FOXP2: variants seen among roughly 807,000 people sequenced by gnomAD.
The protein encoded by FOXP2 is forkhead box protein P2.
In FOXP2, 12 loss-of-function variants were observed where a neutral mutation model predicts 115.8. The ratio of observed to expected loss-of-function variants is 0.10; its 90% CI spans 0.07 to 0.17. The LOEUF is 0.17. Ranked by LOEUF, FOXP2 falls within the 10% of genes least tolerant of loss-of-function variation. FOXP2 has a pLI of 1.00. For missense variants in FOXP2, 629 were observed against 843.5 expected, an observed-to-expected ratio of 0.75 and a Z score of 3.15; for synonymous variants, 328 against 297.7, an observed-to-expected ratio of 1.10 and a Z score of -1.05.
At chr7:114,437,247 T>C (rs1455187555) in intron 2 of FOXP2, among the ~76,000 whole-genome samples, 1 of 152,176 alleles carries the variant, frequency 6.6e-6, no homozygotes, top group Admixed American at 6.5e-5. Flanking sequence ...TTTATTTTCA[T>C]GCACCTTTTC....
intron 2 of FOXP2, among the ~76,000 whole-genome samples, chr7:114,388,077 G>A (rs1037301915): frequency 1.3e-5 from 2 of 152,156 alleles, no homozygotes; most frequent in Admixed American, 6.5e-5. Context: ...GATATACCAA[G>A]TGAGTTACAC....
intron 2 of FOXP2, among the ~76,000 whole-genome samples, chr7:114,530,716 T>C (rs1188875465): frequency 6.6e-6 from 1 of 151,876 alleles, no homozygotes; most frequent in Non-Finnish European, 1.5e-5. Context: ...GACCTACTCA[T>C]TAGAATTATT....
intron 2 of FOXP2, among the ~76,000 whole-genome samples, chr7:114,362,153 G>T (rs375014661): frequency 6.6e-6 from 1 of 151,944 alleles, no homozygotes; most frequent in African/African-American, 2.4e-5. Flanking sequence ...ACAGTTAAAG[G>T]TTAATAAAAA....
chr7:114,339,446 A>T (rs898990575), intron 2 of FOXP2, among the ~76,000 whole-genome samples: 1 of 151,192 alleles, frequency 6.6e-6, no homozygotes, highest in African/African-American at 2.4e-5. Flanking sequence ...AGTTCGACAG[A>T]TGATAACATA....
chr7:114,552,625 A>G (rs894100266), intron 3 of FOXP2, among the ~76,000 whole-genome samples: 1 of 152,210 alleles, frequency 6.6e-6, no homozygotes, highest in Non-Finnish European at 1.5e-5. Context: ...TCAGGTTAAA[A>G]TATTCTGATA....
intron 2 of FOXP2, among the ~76,000 whole-genome samples, chr7:114,317,144 C>T (rs532858675): frequency 6.6e-6 from 1 of 152,274 alleles, no homozygotes; most frequent in East Asian, 1.9e-4. Flanking sequence ...CCACCCATGT[C>T]CCCTGGTCCT....
intron 3 of FOXP2, among the ~76,000 whole-genome samples, chr7:114,562,811 T>G (rs1443097031): frequency 6.6e-6 from 1 of 152,146 alleles, no homozygotes; most frequent in African/African-American, 2.4e-5. Context: ...TTAGAAAGAA[T>G]TGTTTACACT....
At chr7:114,547,479 C>A (rs527327461) in intron 3 of FOXP2, among the ~76,000 whole-genome samples, 1 of 152,146 alleles carries the variant, frequency 6.6e-6, no homozygotes, top group South Asian at 2.1e-4. Flanking sequence ...TGTGATTGGC[C>A]CAGCGCTGTG....
intron 3 of FOXP2, among the ~76,000 whole-genome samples, chr7:114,585,285 T>TA (rs1802076477): frequency 6.6e-6 from 1 of 152,152 alleles, no homozygotes. Flanking sequence ...CACCCCAACT[T>TA]ACAAATTTAT....
At chr7:114,100,842 GT>G (rs1444104125) in intron 1 of FOXP2, among the ~76,000 whole-genome samples, 1 of 152,146 alleles carries the variant, frequency 6.6e-6, no homozygotes. Context: ...TAAGCACTTT[GT>G]GTGTACAAAT....
intron 6 of FOXP2, among the ~76,000 whole-genome samples, chr7:114,641,827 A>G (rs1306523185): frequency 6.6e-6 from 1 of 151,152 alleles, no homozygotes; most frequent in African/African-American, 2.4e-5. Context: ...TTTTTGTTTG[A>G]GAGAGGGTCT....
intron 16 of FOXP2, chr7:114,668,627 C>T (rs1400002160): frequency 6.6e-6 from 1 of 152,132 alleles, no homozygotes; most frequent in African/African-American, 2.4e-5. Flanking sequence ...CTATTTTGGA[C>T]TAATACTTTG....
Position 114,365,691 on chromosome 7 carries a change from A to T in FOXP2, c.-10-60811A>T, listed in dbSNP as rs1476789767. On this transcript the variant is annotated intron_variant, in intron 2 of 17. Coordinates refer to the FOXP2 transcript ENST00000634411. The stretch of plus-strand genomic sequence containing the variant: ...AGATTTTTTAAGTTGTTTCAATCTA[A>T]TTTTTACAATAAACTGTGGCGCAGT... 2.6e-5 allele frequency among the ~76,000 whole-genome samples: 4 copies of T among 152,182 alleles called. No homozygotes were observed. In the East Asian group the frequency reaches 5.8e-4, roughly 22 times the overall value.
chr7:114,379,578 C>A (rs746227983), intron 2 of FOXP2, among the ~76,000 whole-genome samples: 15 of 152,142 alleles, frequency 9.9e-5, no homozygotes, highest in Non-Finnish European at 2.1e-4. Context: ...GGCTAGCAGG[C>A]CATTTCAGGG....
intron 2 of FOXP2, among the ~76,000 whole-genome samples, chr7:114,338,976 A>C (rs900427723): frequency 1.3e-5 from 2 of 151,098 alleles, no homozygotes; most frequent in African/African-American, 4.8e-5. Flanking sequence ...GGGAGGGTCC[A>C]CAAGGGATGA....
chr7:114,376,635 T>G (rs1366758814), intron 2 of FOXP2, among the ~76,000 whole-genome samples: 4 of 152,196 alleles, frequency 2.6e-5, no homozygotes, highest in African/African-American at 9.7e-5. Flanking sequence ...GCATAAGTTA[T>G]GTGCCTATGG....
chr7:114,580,341 G>T lies in FOXP2; in HGVS notation c.258+45635G>T, dbSNP rs939746600. Among the ~76,000 whole-genome samples the T allele has an allele frequency of 2.6e-5, 4 of 152,236 alleles. No individual in the cohort carries two copies. The South Asian group carries it at 8.3e-4, about 32-fold the overall frequency. On this transcript the variant is annotated intron_variant, in intron 3 of 16. Coordinates refer to ENST00000350908, the MANE Select transcript of FOXP2 (RefSeq NM_014491.4). Reference sequence around the variant, plus strand: ...GCCTGTAATCCCAGCACTTTGGGAGGCTGAGGCGGGTGGATCACCTGAGGT... The same window carrying T: ...GCCTGTAATCCCAGCACTTTGGGAGTCTGAGGCGGGTGGATCACCTGAGGT...
chr7:114,338,748 T>TCACACACA (rs56411270), intron 2 of FOXP2, among the ~76,000 whole-genome samples: 42 of 146,626 alleles, frequency 2.9e-4, no homozygotes, highest in African/African-American at 8.5e-4. Context: ...GTCAAGATGT[T>TCACACACA]CACACACACA....
intron 2 of FOXP2, among the ~76,000 whole-genome samples, chr7:114,373,678 A>G (rs1792070704): frequency 6.6e-6 from 1 of 152,206 alleles, no homozygotes; most frequent in Non-Finnish European, 1.5e-5. Context: ...CCAGATACCC[A>G]ATTTGTCAGA....
Sources: gnomAD v4.1 joint callset for allele counts (sites outside exome capture counted in the v4.1 genomes callset) on GRCh38, gnomAD v4.1.1 for gene constraint, MANE v1.5 for transcripts, NCBI Gene and HGNC (gene_info 2026-07-23, HGNC 2026-07-21) for gene names.